The following TNFRSF11A variants were observed in gnomAD, a reference collection of about 807,000 sequenced individuals.
TNFRSF11A encodes the protein tumor necrosis factor receptor superfamily member 11A.
A neutral mutation model predicts 55.7 loss-of-function variants in TNFRSF11A; 32 were observed. The observed-to-expected ratio is 0.57, with a 90% CI of 0.43 to 0.77. The LOEUF (loss-of-function observed/expected upper bound fraction) is 0.77. TNFRSF11A is among the 30% of genes least tolerant of loss of function. The pLI, the probability that TNFRSF11A is intolerant of heterozygous loss-of-function variation, is 0.00. For synonymous variants in TNFRSF11A, 311 were observed against 331.0 expected (o/e 0.94, Z 0.65); for missense variants, 753 against 809.8 (o/e 0.93, Z 0.85).
At chr18:62,370,512 A>G (rs780119384) in intron 9 of TNFRSF11A, among the ~76,000 whole-genome samples, 24 of 152,122 alleles carry the variant, frequency 1.6e-4, no homozygotes, top group Non-Finnish European at 7.4e-5. Flanking sequence ...ATTGTTTTAT[A>G]AATCTGAGGT....
intron 9 of TNFRSF11A, among the ~76,000 whole-genome samples, chr18:62,374,591 G>C (rs1329114058): frequency 2.6e-5 from 4 of 152,194 alleles, no homozygotes; most frequent in Non-Finnish European, 5.9e-5. Flanking sequence ...ATATTCATGT[G>C]TTAGGCATTT....
chr18:62,364,062 G>GA (rs1290212311), intron 7 of TNFRSF11A, among the ~76,000 whole-genome samples: 1 of 152,198 alleles, frequency 6.6e-6, no homozygotes, highest in Non-Finnish European at 1.5e-5. Flanking sequence ...CCCACAGAGG[G>GA]AAGCTGAGTA....
In TNFRSF11A at chr18:62,368,751, G is replaced by A. The variant is rs769235050; in HGVS notation, c.834G>A (p.Gln278=). The part of the protein sequence containing the change: ...CVSTHTANFG[Q]QGACEGVLLL... ...GTACACACACGGCAAACTTTGGTCA[G>A]CAGGGAGCATGTGAAGGTGTCTTAC... The change falls in exon 9 of 10, where the codon CAG becomes CAA. Residue 278 remains glutamine, a synonymous_variant. Coordinates refer to ENST00000586569, the MANE Select transcript of TNFRSF11A (RefSeq NM_003839.4). 1 of 1,614,242 alleles carries A rather than the reference G, an allele frequency of 6.2e-7. No individual in the cohort carries two copies. The highest frequency in any genetic ancestry group is 1.7e-5 in the Admixed American group (1 of 60,030).
At chr18:62,335,566 T>TGGGA (rs896358097) in intron 1 of TNFRSF11A, among the ~76,000 whole-genome samples, 1 of 152,204 alleles carries the variant, frequency 6.6e-6, no homozygotes, top group Non-Finnish European at 1.5e-5. Flanking sequence ...AGAGGCCTCA[T>TGGGA]GGGAGGCTCT....
In TNFRSF11A at chr18:62,385,126, C is replaced by G; in HGVS notation, c.*92C>G. ...GCCCCAGCCCCGGCCACCCAGGGAT[C>G]GATCGGTACAGTCGAGGAAGACCAC... On this transcript the variant is annotated 3_prime_UTR_variant, in exon 10 of 10. Transcript: ENST00000586569. 1 of 1,332,848 alleles carries G rather than the reference C, an allele frequency of 7.5e-7. No individual in the cohort carries two copies. The highest frequency in any genetic ancestry group is 9.6e-7 in the Non-Finnish European group (1 of 1,036,996). The allele number at this position is 1,332,848 out of a possible 1,614,324, so 82.6% of individuals were successfully genotyped here.
In TNFRSF11A at chr18:62,390,107, T is replaced by C. The variant is rs1911939733; in HGVS notation, c.*5073T>C. The stretch of plus-strand genomic sequence containing the variant: ...TTTCCCTCCCTGTCTCTGACACTTG[T>C]TCATTCCTGGGCTCAGGAGCCATCT... On this transcript the variant is annotated 3_prime_UTR_variant, in exon 10 of 10. Transcript: ENST00000586569. 1 of 152,252 alleles carries C rather than the reference T, an allele frequency of 6.6e-6. No homozygotes were observed. Among genetic ancestry groups the C allele is most frequent in the South Asian group, 2.1e-4 (1 of 4,836 alleles). The allele number at this position is 152,252 out of a possible 1,614,324, so 9.4% of individuals were successfully genotyped here.
chr18:62,360,914 AT>A lies in TNFRSF11A; in HGVS notation c.617-765del, dbSNP rs537550588. Among the ~76,000 whole-genome samples, 305 of 152,320 alleles carry A rather than the reference AT, an allele frequency of 2.0e-3. 2 individuals carry two copies. Among genetic ancestry groups the A allele is most frequent in the African/African-American group, 7.0e-3 (289 of 41,562 alleles). On this transcript the variant is annotated intron_variant, in intron 6 of 9. Coordinates refer to ENST00000586569, the MANE Select transcript of TNFRSF11A (RefSeq NM_003839.4). ...AGGAAAGAGAACAATAGGCCACAGAATAACCGGGTTAACAAGCTTTGACCAA... is the reference window on the plus strand; with the variant it reads ...AGGAAAGAGAACAATAGGCCACAGAAAACCGGGTTAACAAGCTTTGACCAA...
At position 62,325,577 on chromosome 18, in the gene TNFRSF11A, G is replaced by T. The variant is rs776257910; in HGVS notation, c.75+150G>T. 33 of 340,124 alleles carry T rather than the reference G, an allele frequency of 9.7e-5. No individual in the cohort carries two copies. Among genetic ancestry groups the T allele is most frequent in the Non-Finnish European group, 1.4e-4 (32 of 231,906 alleles). 21.1% of individuals were successfully genotyped at this position (340,124 alleles called of 1,614,324 possible). A position where few individuals can be genotyped will look rare whatever the true frequency, so the allele number is the denominator to read the frequency against. ...GGAGGCCGTGGGAAGCTGGGGAGGC[G>T]CTTCCAGAGTTGGACGGCGGAGGGC... On this transcript the variant is annotated intron_variant, in intron 1 of 9. Transcript: ENST00000586569. This position sits in a 1 kb window ranked among gnomAD's most constrained non-coding sequence, Gnocchi z 4.7.
intron 4 of TNFRSF11A, among the ~76,000 whole-genome samples, chr18:62,357,517 A>G (rs1217338233): frequency 6.6e-6 from 1 of 152,224 alleles, no homozygotes; most frequent in Non-Finnish European, 1.5e-5. Flanking sequence ...TTATTGGAAC[A>G]CACCCTCGTG....
Position 62,384,998 on chromosome 18 carries a change from G to C in TNFRSF11A, c.1815G>C (p.Ser605=). ...PEGLREPEKA[S]RPVQEQGGAK... ...GGCTGCGGGAGCCGGAGAAGGCCTC[G>C]AGGCCGGTGCAGGAGCAAGGCGGGG... Residue 605 remains serine (S), a synonymous_variant, in exon 10 of 10, where the codon TCG becomes TCC. Transcript: ENST00000586569. 1 of 1,476,500 alleles carries C rather than the reference G, an allele frequency of 6.8e-7. No homozygotes were observed. Among genetic ancestry groups the C allele is most frequent in the Non-Finnish European group, 8.9e-7 (1 of 1,123,872 alleles). The allele number at this position is 1,476,500 out of a possible 1,614,324, so 91.5% of individuals were successfully genotyped here. A position where few individuals can be genotyped will look rare whatever the true frequency, so the allele number is the denominator to read the frequency against.
chr18:62,382,487 A>G (rs1035042253), intron 9 of TNFRSF11A, among the ~76,000 whole-genome samples: 3 of 152,194 alleles, frequency 2.0e-5, no homozygotes, highest in African/African-American at 7.2e-5. Context: ...GAGAAATTAC[A>G]GATATTTGAG....
intron 9 of TNFRSF11A, 144 bp downstream of exon 9, chr18:62,369,628 A>C (rs1910384234): frequency 9.1e-7 from 1 of 1,098,842 alleles, no homozygotes; most frequent in African/African-American, 1.5e-5. Flanking sequence ...GCATTTTTAC[A>C]GGATGGCTTT....
intron 5 of TNFRSF11A, 91 bp from the exon 6 acceptor site, chr18:62,359,864 G>A (rs1909542176): frequency 1.7e-6 from 2 of 1,150,454 alleles, no homozygotes. Context: ...TCTCCTGAAG[G>A]AGCTGGCAAT....
rs772167170 is a variant in TNFRSF11A, at chr18:62,385,005, G to A, written c.1822G>A (p.Val608Met). 1.3e-6 allele frequency: 2 copies of A among 1,482,816 alleles called. No individual in the cohort carries two copies. The highest frequency in any genetic ancestry group is 2.6e-5 in the South Asian group (2 of 76,438). 91.9% of individuals were successfully genotyped at this position (1,482,816 alleles called of 1,614,324 possible). Residue 608 changes from valine (V) to methionine (M), a missense_variant, in exon 10 of 10, where the codon GTG becomes ATG. This residue lies in a region of TNFRSF11A where 567 missense variants were observed against 596.7 expected (regional missense o/e 0.95). Transcript: ENST00000586569. Reference sequence around the variant, plus strand: ...GGAGCCGGAGAAGGCCTCGAGGCCGGTGCAGGAGCAAGGCGGGGCCAAGGC... The same window carrying A: ...GGAGCCGGAGAAGGCCTCGAGGCCGATGCAGGAGCAAGGCGGGGCCAAGGC... ...LREPEKASRP[V>M]QEQGGAKA
intron 9 of TNFRSF11A, among the ~76,000 whole-genome samples, chr18:62,373,446 CTG>C (rs1469807455): frequency 6.7e-6 from 1 of 150,142 alleles, no homozygotes; most frequent in Non-Finnish European, 1.5e-5. Flanking sequence ...GAGCAAGACT[CTG>C]TCTCAAAAAA....
chr18:62,342,513 T>C (rs1402523006), intron 1 of TNFRSF11A, among the ~76,000 whole-genome samples: 1 of 152,030 alleles, frequency 6.6e-6, no homozygotes, highest in African/African-American at 2.4e-5. Context: ...CCTCACGTGA[T>C]TCCTGCATCA....
intron 1 of TNFRSF11A, among the ~76,000 whole-genome samples, chr18:62,341,078 C>G (rs1600362482): frequency 6.6e-6 from 1 of 152,266 alleles, no homozygotes. Flanking sequence ...GATATTCGAT[C>G]ATAATTCGTT....
rs1031230175 is a variant in TNFRSF11A, at chr18:62,383,153, A to G, written c.1568-1598A>G. Among the ~76,000 whole-genome samples, 8 of 152,192 alleles carry G rather than the reference A, an allele frequency of 5.3e-5. No individual in the cohort carries two copies. Among genetic ancestry groups the G allele is most frequent in the African/African-American group, 1.9e-4 (8 of 41,464 alleles). ...TCTTAGACAAGTCCTGCCACTGCCC[A>G]TCTTGAAGGACATCCCACACAACTG... On this transcript the variant is annotated intron_variant, in intron 9 of 9. Transcript: ENST00000586569. This position sits in a 1 kb window ranked among gnomAD's most constrained non-coding sequence, Gnocchi z 4.2.
At chr18:62,355,346 C>G (rs1909179043) in intron 4 of TNFRSF11A, among the ~76,000 whole-genome samples, 1 of 152,014 alleles carries the variant, frequency 6.6e-6, no homozygotes, top group Non-Finnish European at 1.5e-5. Flanking sequence ...GGCACAATCT[C>G]GGCTCACCGC....
Sources: allele counts gnomAD v4.1 joint callset (sites outside exome capture counted in the v4.1 genomes callset), GRCh38; gene constraint gnomAD v4.1.1; regional missense constraint gnomAD v4.1.1; non-coding constraint Gnocchi (gnomAD v3.1); transcripts MANE v1.5; gene names NCBI Gene and HGNC (gene_info 2026-07-23, HGNC 2026-07-21).